KCNH1: variants seen among roughly 807,000 people sequenced by gnomAD.
KCNH1 encodes potassium voltage-gated channel subfamily H member 1.
A neutral mutation model predicts 69.2 loss-of-function variants in KCNH1; 27 were observed. That is an observed-to-expected ratio of 0.39 (90% CI 0.29 to 0.54). The LOEUF (loss-of-function observed/expected upper bound fraction) is 0.54. Among genes scored for constraint, KCNH1 ranks in the 20% least tolerant of loss-of-function variants. The pLI is 0.68. For missense variants in KCNH1, 798 were observed against 1,261.6 expected (o/e 0.63, Z 5.57); for synonymous variants, 456 against 487.7 (o/e 0.93, Z 0.86).
intron 3 of KCNH1, among the ~76,000 whole-genome samples, chr1:211,091,156 C>G (rs763919376): frequency 6.6e-6 from 1 of 152,148 alleles, no homozygotes; most frequent in Non-Finnish European, 1.5e-5. Context: ...TAGGAATCCA[C>G]CAATTTGACT....
chr1:210,955,035 G>T (rs1018711509), intron 6 of KCNH1, among the ~76,000 whole-genome samples: 1 of 152,138 alleles, frequency 6.6e-6, no homozygotes, highest in African/African-American at 2.4e-5. Context: ...ACGGTTTTAG[G>T]TCTCACATTT....
intron 5 of KCNH1, among the ~76,000 whole-genome samples, chr1:211,068,360 TAAC>T (rs1377693893): frequency 6.6e-6 from 1 of 152,208 alleles, no homozygotes; most frequent in Non-Finnish European, 1.5e-5. Flanking sequence ...TCTCTTCTAA[TAAC>T]AAAGTAAAAA....
intron 6 of KCNH1, among the ~76,000 whole-genome samples, chr1:210,981,136 C>T (rs1293531370): frequency 6.6e-6 from 1 of 152,000 alleles, no homozygotes; most frequent in African/African-American, 2.4e-5. Context: ...CAGAGAAAGC[C>T]ACTCACGATC....
intron 8 of KCNH1, among the ~76,000 whole-genome samples, chr1:210,798,071 G>T (rs1433661071): frequency 2.1e-5 from 3 of 139,790 alleles, no homozygotes; most frequent in African/African-American, 5.6e-5. Flanking sequence ...ACAGAGTCTT[G>T]CTCTGTCTCC....
At chr1:210,836,226 T>G (rs1340421434) in intron 7 of KCNH1, among the ~76,000 whole-genome samples, 1 of 152,042 alleles carries the variant, frequency 6.6e-6, no homozygotes, top group African/African-American at 2.4e-5. Context: ...ACAGAATTTA[T>G]GAGGAAGAGA....
intron 5 of KCNH1, among the ~76,000 whole-genome samples, chr1:211,031,163 G>T (rs1000653274): frequency 6.6e-6 from 1 of 152,000 alleles, no homozygotes; most frequent in African/African-American, 2.4e-5. Flanking sequence ...TAAATTCCTC[G>T]ACACATACAC....
intron 5 of KCNH1, among the ~76,000 whole-genome samples, chr1:211,031,275 C>G (rs889915769): frequency 2.0e-5 from 3 of 152,086 alleles, no homozygotes; most frequent in Non-Finnish European, 2.9e-5. Flanking sequence ...AAAAAAAGTC[C>G]AGAACCAGAT....
At chr1:211,006,992 GTT>G (rs2102405121) in intron 6 of KCNH1, among the ~76,000 whole-genome samples, 1 of 152,062 alleles carries the variant, frequency 6.6e-6, no homozygotes, top group Non-Finnish European at 1.5e-5. Flanking sequence ...ATGCCAAAAT[GTT>G]AAGATAAAAT....
rs998309138 is a variant in KCNH1, at chr1:210,946,682, G to A, written c.1033-26613C>T. Among the ~76,000 whole-genome samples, 4 of 152,184 alleles carry A rather than the reference G, an allele frequency of 2.6e-5. No individual in the cohort carries two copies. In the South Asian group the frequency reaches 8.3e-4, roughly 32 times the overall value. ...CCACCCATAAGGCCCTTGTGGCCTG[G>A]CCCCTGCCTGCTCCTCCTGCCTTCT... On this transcript the variant is annotated intron_variant, in intron 6 of 10. Coordinates refer to ENST00000271751, the MANE Select transcript of KCNH1 (RefSeq NM_172362.3).
intron 10 of KCNH1, among the ~76,000 whole-genome samples, chr1:210,701,960 C>T (rs537917392): frequency 3.5e-4 from 53 of 152,276 alleles, no homozygotes; most frequent in African/African-American, 1.1e-3. Context: ...ACTGGAATTC[C>T]TGCATTCTTA....
At position 210,803,951 on chromosome 1, in the gene KCNH1, T is replaced by C; in HGVS notation, c.1662+16A>G. The C allele has an allele frequency of 6.2e-7, 1 of 1,610,154 alleles. No homozygotes were observed. The highest frequency in any genetic ancestry group is 8.5e-7 in the Non-Finnish European group (1 of 1,177,148). On this transcript the variant is annotated intron_variant, in intron 8 of 10. Coordinates refer to ENST00000271751, the MANE Select transcript of KCNH1 (RefSeq NM_172362.3). ...CAAAAGACAAATGGTTTCCCTGAGCTCCTCATCCTCCTTACCTTCTCTGTG... is the reference window on the plus strand; with the variant it reads ...CAAAAGACAAATGGTTTCCCTGAGCCCCTCATCCTCCTTACCTTCTCTGTG...
chr1:210,807,106 A>G (rs1191679632), intron 7 of KCNH1, among the ~76,000 whole-genome samples: 2 of 151,690 alleles, frequency 1.3e-5, no homozygotes, highest in African/African-American at 4.8e-5. Context: ...TTACAGCACA[A>G]TATCAAGAAC....
intron 9 of KCNH1, among the ~76,000 whole-genome samples, chr1:210,796,293 C>T (rs528721665): frequency 6.6e-6 from 1 of 152,214 alleles, no homozygotes; most frequent in Non-Finnish European, 1.5e-5. Context: ...TCTCTTTGAA[C>T]TTTAATTCTC....
At chr1:210,731,517 A>T (rs975993220) in intron 10 of KCNH1, among the ~76,000 whole-genome samples, 10 of 152,178 alleles carry the variant, frequency 6.6e-5, no homozygotes, top group Non-Finnish European at 1.5e-4. Flanking sequence ...GAGTTTAAGA[A>T]AGTAGACAGG....
intron 6 of KCNH1, among the ~76,000 whole-genome samples, chr1:211,017,339 G>T (rs760099507): frequency 6.6e-6 from 1 of 152,130 alleles, no homozygotes; most frequent in East Asian, 1.9e-4. Flanking sequence ...TTGATATCCC[G>T]GCAGGGAGCA....
chr1:210,933,488 A>G (rs1687718396), intron 6 of KCNH1, among the ~76,000 whole-genome samples: 4 of 151,652 alleles, frequency 2.6e-5, no homozygotes, highest in Admixed American at 2.6e-4. Flanking sequence ...CATTGTGAAC[A>G]TGTACCCTAA....
intron 7 of KCNH1, among the ~76,000 whole-genome samples, chr1:210,890,605 G>A (rs555433006): frequency 4.4e-4 from 67 of 152,096 alleles, no homozygotes; most frequent in South Asian, 1.5e-3. Context: ...GAGTGAACTG[G>A]CACCCTACAG....
At chr1:210,927,288 A>G (rs1687592732) in intron 6 of KCNH1, among the ~76,000 whole-genome samples, 1 of 152,234 alleles carries the variant, frequency 6.6e-6, no homozygotes, top group South Asian at 2.1e-4. Context: ...GACAAAGGAA[A>G]GAATCTTAAG....
intron 6 of KCNH1, among the ~76,000 whole-genome samples, chr1:210,956,786 A>G (rs554984475): frequency 2.5e-4 from 38 of 151,604 alleles, no homozygotes; most frequent in African/African-American, 8.7e-4. Context: ...TATTGTGTCT[A>G]TTTGATTCTT....
Sources: allele counts gnomAD v4.1 joint callset (sites outside exome capture counted in the v4.1 genomes callset), GRCh38; gene constraint gnomAD v4.1.1; transcripts MANE v1.5; gene names NCBI Gene and HGNC (gene_info 2026-07-23, HGNC 2026-07-21).